Variants in PHF21B observed in about 807,000 individuals in gnomAD.
The protein encoded by PHF21B is PHD finger protein 21B.
In PHF21B, 22 loss-of-function variants were observed where a neutral mutation model predicts 62.2. The ratio of observed to expected loss-of-function variants is 0.35; its 90% CI spans 0.25 to 0.51. PHF21B has a LOEUF of 0.51. Among genes scored for constraint, PHF21B ranks in the 20% least tolerant of loss-of-function variants. The pLI is 0.97. For missense variants in PHF21B, 701 were observed against 707.9 expected (o/e 0.99, Z 0.11); for synonymous variants, 341 against 314.7 (o/e 1.08, Z -0.88).
At chr22:44,895,237 A>AGCTTCCCCATGGGG (rs1277261816) in intron 6 of PHF21B, among the ~76,000 whole-genome samples, 1 of 152,098 alleles carries the variant, frequency 6.6e-6, no homozygotes, top group East Asian at 1.9e-4. Flanking sequence ...CCCTGGCCTC[A>AGCTTCCCCATGGGG]GCTTCCCCAT....
intron 9 of PHF21B, 119 bp downstream of exon 9, chr22:44,889,641 C>G: frequency 7.9e-7 from 1 of 1,273,080 alleles, no homozygotes; most frequent in South Asian, 1.5e-5. Context: ...AAGGCAGAAC[C>G]GAAAGGCCTT....
intron 2 of PHF21B, among the ~76,000 whole-genome samples, chr22:44,966,354 G>A (rs973986368): frequency 1.3e-5 from 2 of 152,234 alleles, no homozygotes; most frequent in East Asian, 1.9e-4. Context: ...ACTTGCCCAA[G>A]GTCACACAAT....
At chr22:44,908,375 G>A (rs2071288219) in intron 5 of PHF21B, among the ~76,000 whole-genome samples, 1 of 152,086 alleles carries the variant, frequency 6.6e-6, no homozygotes, top group Non-Finnish European at 1.5e-5. Flanking sequence ...CACCCTCCTA[G>A]GTGGTCTTAT....
chr22:44,997,000 C>T lies in PHF21B; in HGVS notation c.120+11545G>A, dbSNP rs115507050. Among the ~76,000 whole-genome samples the T allele has an allele frequency of 3.8e-3, 581 of 152,336 alleles. 5 individuals carry two copies. Among genetic ancestry groups the T allele is most frequent in the African/African-American group, 0.013 (544 of 41,562 alleles). Reference sequence around the variant, plus strand: ...ACCTGCCACCTTCCGACCCACTCCACGTCACGCATTATGTTTCTCATCGAT... The same window carrying T: ...ACCTGCCACCTTCCGACCCACTCCATGTCACGCATTATGTTTCTCATCGAT... On this transcript the variant is annotated intron_variant, in intron 2 of 12. Transcript: ENST00000313237.
chr22:44,889,622 T>TC (rs2070924715), intron 9 of PHF21B, 138 bp downstream of exon 9: 1 of 1,072,362 alleles, frequency 9.3e-7, no homozygotes, highest in Non-Finnish European at 1.3e-6. Context: ...ACAAAGCTCT[T>TC]AGCACCTAAA....
intron 2 of PHF21B, among the ~76,000 whole-genome samples, chr22:44,994,896 G>A (rs2073095492): frequency 1.3e-5 from 2 of 152,376 alleles, no homozygotes; most frequent in East Asian, 1.9e-4. Context: ...GCGCCAGGGC[G>A]AGAATCAGCA....
At chr22:44,916,750 C>T (rs1004839301) in intron 3 of PHF21B, 120 bp from the exon 4 acceptor site, 16 of 917,710 alleles carry the variant, frequency 1.7e-5, no homozygotes, top group African/African-American at 1.6e-4. Flanking sequence ...GGAAAGAGCA[C>T]AGCGCCTGTC....
chr22:45,002,481 C>T (rs1485375670), intron 2 of PHF21B, among the ~76,000 whole-genome samples: 2 of 152,190 alleles, frequency 1.3e-5, no homozygotes, highest in South Asian at 2.1e-4. Context: ...CACCTGGAAC[C>T]CCCACCCTCA....
chr22:44,984,158 T>G (rs199790269), intron 2 of PHF21B, among the ~76,000 whole-genome samples: 1 of 840 alleles, frequency 1.2e-3, no homozygotes, highest in Admixed American at 0.013. Context: ...ATCACCACCA[T>G]CACCACCATC....
intron 2 of PHF21B, among the ~76,000 whole-genome samples, chr22:44,984,230 TCACCACCC>T (rs2072905559): frequency 9.8e-5 from 1 of 10,182 alleles, no homozygotes; most frequent in Non-Finnish European, 2.2e-4. Context: ...ACCATCACCA[TCACCACCC>T]TCATTACCAC....
chr22:44,924,347 G>A (rs117825236), intron 2 of PHF21B, among the ~76,000 whole-genome samples: 2,475 of 152,248 alleles, frequency 0.016, 33 homozygotes, highest in East Asian at 0.047. Context: ...AAAATGATAC[G>A]CTTTGAAAGA....
chr22:44,990,986 C>A (rs901817637), intron 2 of PHF21B, among the ~76,000 whole-genome samples: 1 of 152,228 alleles, frequency 6.6e-6, no homozygotes, highest in Non-Finnish European at 1.5e-5. Flanking sequence ...GCCCTGCTGC[C>A]GCGGCTCCTC....
chr22:45,006,980 G>A (rs1451974663), intron 2 of PHF21B, among the ~76,000 whole-genome samples: 6 of 152,050 alleles, frequency 3.9e-5, no homozygotes, highest in Admixed American at 2.0e-4. Flanking sequence ...CAATCAAAAT[G>A]GTAATGCAGG....
chr22:44,889,554 C>T (rs998820618), intron 9 of PHF21B, among the ~76,000 whole-genome samples: 4 of 152,146 alleles, frequency 2.6e-5, no homozygotes, highest in African/African-American at 9.7e-5. Context: ...GAGCAGAGCC[C>T]TGTGGCAATG....
chr22:44,960,725 AG>A (rs1057404749), intron 2 of PHF21B, among the ~76,000 whole-genome samples: 21 of 152,338 alleles, frequency 1.4e-4, no homozygotes, highest in Middle Eastern at 3.4e-3. Flanking sequence ...AACCAGCCGG[AG>A]GCCTGAACAG....
At chr22:44,907,948 G>T (rs987057978) in intron 5 of PHF21B, among the ~76,000 whole-genome samples, 1 of 152,226 alleles carries the variant, frequency 6.6e-6, no homozygotes, top group Non-Finnish European at 1.5e-5. Flanking sequence ...GGGGCGCTGG[G>T]GGGGTGAGGC....
chr22:45,008,535 C>A lies in PHF21B; in HGVS notation c.120+10G>T. Reference sequence around the variant, plus strand: ...CCCATCCCAGGGGGGGCCGCGATCCCATCGCTTACTTGTTTGTCGCTGAGC... The same window carrying A: ...CCCATCCCAGGGGGGGCCGCGATCCAATCGCTTACTTGTTTGTCGCTGAGC... On this transcript the variant is annotated intron_variant, in intron 2 of 12. Coordinates refer to ENST00000313237, the MANE Select transcript of PHF21B (RefSeq NM_138415.5). 6.4e-7 allele frequency: 1 copy of A among 1,569,586 alleles called. No homozygotes were observed. The highest frequency in any genetic ancestry group is 1.2e-5 in the South Asian group (1 of 85,330).
At position 44,951,712 on chromosome 22, in the gene PHF21B, G is replaced by A. The variant is rs6007400; in HGVS notation, c.121-31222C>T. Reference sequence around the variant, plus strand: ...CTGACTGGCATTTGGGTTGTTTCCAGTTTGGATTATCATAAAGAATGGCTA... The same window carrying A: ...CTGACTGGCATTTGGGTTGTTTCCAATTTGGATTATCATAAAGAATGGCTA... On this transcript the variant is annotated intron_variant, in intron 2 of 12. Coordinates refer to ENST00000313237, the MANE Select transcript of PHF21B (RefSeq NM_138415.5). Among the ~76,000 whole-genome samples the A allele has an allele frequency of 3.0e-3, 460 of 152,316 alleles. 6 individuals are homozygous for A. The highest frequency in any genetic ancestry group is 9.1e-3 in the African/African-American group (380 of 41,566).
intron 4 of PHF21B, among the ~76,000 whole-genome samples, chr22:44,915,041 G>A (rs988349764): frequency 3.3e-5 from 5 of 152,130 alleles, no homozygotes; most frequent in African/African-American, 7.2e-5. Context: ...CCCTAAGCAC[G>A]GGTGGTGACT....
Sources: allele counts gnomAD v4.1 joint callset (sites outside exome capture counted in the v4.1 genomes callset), GRCh38; gene constraint gnomAD v4.1.1; transcripts MANE v1.5; gene names NCBI Gene and HGNC (gene_info 2026-07-23, HGNC 2026-07-21).